ERBB2: variants seen among roughly 807,000 people sequenced by gnomAD.
ERBB2 encodes the protein erb-b2 receptor tyrosine kinase 2, also known as receptor tyrosine-protein kinase erbB-2.
In ERBB2, 61 loss-of-function variants were observed where a neutral mutation model predicts 149.0. The observed-to-expected ratio is 0.41, with a 90% CI of 0.33 to 0.51. ERBB2 has a LOEUF of 0.51. Among genes scored for constraint, ERBB2 ranks in the 20% least tolerant of loss-of-function variants. The pLI, the probability that ERBB2 is intolerant of heterozygous loss-of-function variation, is 0.25. For synonymous variants in ERBB2, 633 were observed against 678.8 expected (o/e 0.93, Z 1.05); for missense variants, 1,205 against 1,655.1 (o/e 0.73, Z 4.72).
At chr17:39,719,669 C>T (rs2059342853) in intron 15 of ERBB2, 118 bp from the exon 16 acceptor site, 4 of 1,016,300 alleles carry the variant, frequency 3.9e-6, no homozygotes, top group Admixed American at 3.4e-5. Flanking sequence ...CAGTTTCTGC[C>T]TTTGTCAAAT....
At position 39,710,700 on chromosome 17, in the gene ERBB2, C is replaced by A. The variant is rs113712070; in HGVS notation, c.901+219C>A. On this transcript the variant is annotated intron_variant, in intron 7 of 26. Coordinates refer to ENST00000269571, the MANE Select transcript of ERBB2 (RefSeq NM_004448.4). ...GGAGCCAGACTGCCTGGGTTTGAAA[C>A]CCAGCTCTATCAATTAGTAGGCACG... Among the ~76,000 whole-genome samples the A allele has an allele frequency of 1.5e-3, 228 of 152,332 alleles. 1 individual carries two copies. The highest frequency in any genetic ancestry group is 4.7e-3 in the African/African-American group (195 of 41,568).
chr17:39,698,128 G>GT (rs1164629649), upstream of ERBB2, among the ~76,000 whole-genome samples: 1 of 152,194 alleles, frequency 6.6e-6, no homozygotes, highest in East Asian at 1.9e-4. Flanking sequence ...ATTGCGCTGA[G>GT]TGCTTCCAGA....
upstream of ERBB2, among the ~76,000 whole-genome samples, chr17:39,691,105 T>C (rs1204632459): frequency 6.6e-6 from 1 of 151,804 alleles, no homozygotes; most frequent in African/African-American, 2.4e-5. Flanking sequence ...TAGATCAAAA[T>C]TGGTAGAGAG....
upstream of ERBB2, among the ~76,000 whole-genome samples, chr17:39,694,239 A>ATGTG (rs1313128016): frequency 2.3e-4 from 5 of 21,530 alleles, no homozygotes; most frequent in Non-Finnish European, 3.4e-4. Context: ...ATATATATAT[A>ATGTG]TATATATATA....
intron 1 of ERBB2, among the ~76,000 whole-genome samples, chr17:39,706,018 TG>T (rs1473683924): frequency 3.3e-5 from 5 of 152,308 alleles, no homozygotes; most frequent in Admixed American, 3.3e-4. Context: ...CTGGCAGGCC[TG>T]GTGTGAGCTG....
In ERBB2 at chr17:39,700,191, C is replaced by T. The variant is rs2145264960; in HGVS notation, c.-48C>T. On this transcript the variant is annotated 5_prime_UTR_variant, in exon 1 of 27. Transcript: ENST00000269571. ...GCAGCACCCCGCGCCCCGCGCCCTC[C>T]CAGCCGGGTCCAGCCGGAGCCATGG... The T allele has an allele frequency of 1.4e-6, 2 of 1,390,380 alleles. No homozygotes were observed. The highest frequency in any genetic ancestry group is 1.9e-6 in the Non-Finnish European group (2 of 1,077,382). The allele number at this position is 1,390,380 out of a possible 1,614,324, so 86.1% of individuals were successfully genotyped here.
At position 39,727,231 on chromosome 17, in the gene ERBB2, T is replaced by C; in HGVS notation, c.3160-64T>C. ...TTTTTCTCCTGTGACCCTGTCACCT[T>C]CCATGGAGTCCCCATCCCAGATCCG... On this transcript the variant is annotated intron_variant, in intron 25 of 26. Coordinates refer to ENST00000269571, the MANE Select transcript of ERBB2 (RefSeq NM_004448.4). The surrounding 1 kb of genome is among the most constrained non-coding windows in gnomAD (Gnocchi z 4.3). The C allele has an allele frequency of 6.3e-7, 1 of 1,580,434 alleles. No homozygotes were observed. The highest frequency in any genetic ancestry group is 8.6e-7 in the Non-Finnish European group (1 of 1,162,136).
chr17:39,710,504 GT>G (rs761771096), intron 7 of ERBB2, 23 bp downstream of exon 7: 12 of 1,613,486 alleles, frequency 7.4e-6, no homozygotes, highest in Admixed American at 5.0e-5. Flanking sequence ...GAGAAACACA[GT>G]TTTCTCATTT....
At position 39,714,966 on chromosome 17, in the gene ERBB2, C is replaced by G. The variant is rs151027302; in HGVS notation, c.1149-320C>G. On this transcript the variant is annotated intron_variant, in intron 9 of 26. Transcript: ENST00000269571. ...TGTATTTGTAGTAGAGATGGGGTTT[C>G]ACCATGTTGGCCAGGATGGTCTCCA... 4.2e-3 allele frequency among the ~76,000 whole-genome samples: 642 copies of G among 152,212 alleles called. 6 individuals are homozygous for G. The highest frequency in any genetic ancestry group is 5.3e-3 in the Non-Finnish European group (359 of 68,002).
chr17:39,711,380 C>T (rs4252623), intron 7 of ERBB2, among the ~76,000 whole-genome samples: 2 of 152,070 alleles, frequency 1.3e-5, no homozygotes, highest in Non-Finnish European at 1.5e-5. Flanking sequence ...TTAGTAGAGA[C>T]GGAGTTTCAC....
At position 39,712,062 on chromosome 17, in the gene ERBB2, C is replaced by A; in HGVS notation, c.1021+15C>A. 6.2e-7 allele frequency: 1 copy of A among 1,613,620 alleles called. No homozygotes were observed. The highest frequency in any genetic ancestry group is 8.5e-7 in the Non-Finnish European group (1 of 1,179,854). ...CTGTGCCCGAGGTACCCACTCACTG[C>A]CCCCGAGGCCAGCTGCAGTTCCTGT... On this transcript the variant is annotated intron_variant, in intron 8 of 26. Transcript: ENST00000269571.
At position 39,717,331 on chromosome 17, in the gene ERBB2, G is replaced by A. The variant is rs2145706273; in HGVS notation, c.1749G>A (p.Gln583=). Reference sequence around the variant, plus strand: ...TCTGCCCCCCCCAGGAGGCTGACCAGTGTGTGGCCTGTGCCCACTATAAGG... The same window carrying A: ...TCTGCCCCCCCCAGGAGGCTGACCAATGTGTGGCCTGTGCCCACTATAAGG... ...SVTCFGPEAD[Q]CVACAHYKDP... is the part of the protein sequence containing the mutation. The change falls in exon 15 of 27, where the codon CAG becomes CAA. Residue 583 remains glutamine, a synonymous_variant. Transcript: ENST00000269571. 6.2e-7 allele frequency: 1 copy of A among 1,611,730 alleles called. No individual in the cohort carries two copies. Among genetic ancestry groups the A allele is most frequent in the South Asian group, 1.1e-5 (1 of 90,944 alleles).
At chr17:39,688,216 G>A (rs998651699) in exon 1 of ERBB2, 2 of 429,808 alleles carry the variant, frequency 4.7e-6, no homozygotes, top group Non-Finnish European at 7.9e-6. Context: ...ATAGGGTTAA[G>A]GGAAGGCGGA....
At chr17:39,708,177 A>C (rs567700684) in intron 2 of ERBB2, 144 bp from the exon 3 acceptor site, 3 of 600,352 alleles carry the variant, frequency 5.0e-6, no homozygotes, top group Non-Finnish European at 5.9e-6. Context: ...CTTTATCTCT[A>C]TTTTATCGTT....
chr17:39,727,328 C>T lies in ERBB2; in HGVS notation c.3193C>T (p.Pro1065Ser), dbSNP rs997168711. The T allele has an allele frequency of 3.7e-6, 6 of 1,612,418 alleles. No individual in the cohort carries two copies. The highest frequency in any genetic ancestry group is 5.1e-6 in the Non-Finnish European group (6 of 1,179,594). ...GGGDLTLGLE[P>S]SEEEAPRSPL... The stretch of plus-strand genomic sequence containing the variant: ...TGGGGACCTGACACTAGGGCTGGAG[C>T]CCTCTGAAGAGGAGGCCCCCAGGTC... The change falls in exon 26 of 27, where the codon CCC (proline) becomes TCC (serine). Residue 1065 changes from proline to serine, a missense_variant. This residue lies in a region of ERBB2 where 312 missense variants were observed against 343.8 expected (regional missense o/e 0.91). Transcript: ENST00000269571. The surrounding 1 kb of genome is among the most constrained non-coding windows in gnomAD (Gnocchi z 4.3).
chr17:39,709,820 C>T lies in ERBB2; in HGVS notation c.582C>T (p.Pro194=), dbSNP rs2145490253. The T allele has an allele frequency of 1.9e-6, 3 of 1,613,274 alleles. No individual in the cohort carries two copies. Among genetic ancestry groups the T allele is most frequent in the Non-Finnish European group, 2.5e-6 (3 of 1,179,972 alleles). ...IDTNRSRACH[P]CSPMCKGSRC... ...CTCTGGTTCTGTCCTCAGGCCACCC[C>T]TGTTCTCCGATGTGTAAGGGCTCCC... The change falls in exon 5 of 27, where the codon CCC becomes CCT. Residue 194 remains proline (P), a synonymous_variant. Coordinates refer to ENST00000269571, the MANE Select transcript of ERBB2 (RefSeq NM_004448.4).
At chr17:39,720,437 G>C (rs894372489) in intron 16 of ERBB2, 3 of 154,540 alleles carry the variant, frequency 1.9e-5, no homozygotes, top group African/African-American at 7.2e-5. Context: ...GCCACAGGGT[G>C]GGACTTGACT....
At chr17:39,698,198 T>C (rs2057912868), upstream of ERBB2, among the ~76,000 whole-genome samples, 1 of 152,040 alleles carries the variant, frequency 6.6e-6, no homozygotes, top group African/African-American at 2.4e-5. Flanking sequence ...ATGAGCCAAC[T>C]GAGACCAGAG....
At chr17:39,694,269 G>GTGTATATATATATATACACACATATATA (rs1567888186), upstream of ERBB2, among the ~76,000 whole-genome samples, 1 of 17,856 alleles carries the variant, frequency 5.6e-5, no homozygotes, top group Non-Finnish European at 1.1e-4. Flanking sequence ...ATATATATAT[G>GTGTATATATATATATACACACATATATA]TGTGTATATA....
Sources: allele counts gnomAD v4.1 joint callset (sites outside exome capture counted in the v4.1 genomes callset), GRCh38; gene constraint gnomAD v4.1.1; regional missense constraint gnomAD v4.1.1; non-coding constraint Gnocchi (gnomAD v3.1); transcripts MANE v1.5; gene names NCBI Gene and HGNC (gene_info 2026-07-23, HGNC 2026-07-21).